KYNU: variants seen among roughly 807,000 people sequenced by gnomAD.
The protein encoded by KYNU is kynureninase.
KYNU carries 54 observed loss-of-function variants against 59.2 expected under a neutral mutation model. The ratio of observed to expected loss-of-function variants is 0.91; its 90% CI spans 0.73 to 1.14. KYNU has a LOEUF of 1.14. KYNU is among the 50% of genes most tolerant of loss of function. The pLI, the probability that KYNU is intolerant of heterozygous loss-of-function variation, is 0.00. For synonymous variants in KYNU, 177 were observed against 192.0 expected, an observed-to-expected ratio of 0.92 and a Z score of 0.65; for missense variants, 567 against 554.4, an observed-to-expected ratio of 1.02 and a Z score of -0.23.
chr2:142,962,583 A>G (rs949130451), intron 8 of KYNU, among the ~76,000 whole-genome samples: 11 of 152,318 alleles, frequency 7.2e-5, no homozygotes, highest in Non-Finnish European at 1.5e-4. Flanking sequence ...TGCTAAAGCC[A>G]TTTGTTAAAT....
chr2:142,962,694 T>A (rs1052395080), intron 8 of KYNU, among the ~76,000 whole-genome samples: 1 of 152,208 alleles, frequency 6.6e-6, no homozygotes, highest in African/African-American at 2.4e-5. Flanking sequence ...ATGAGCAGCT[T>A]TAAGTGTAAC....
intron 4 of KYNU, 113 bp from the exon 5 acceptor site, chr2:142,954,697 T>C (rs1684105956): frequency 2.8e-6 from 2 of 715,976 alleles, no homozygotes; most frequent in African/African-American, 1.8e-5. Context: ...ACATCAAATA[T>C]GCCCTTATCT....
intron 11 of KYNU, among the ~76,000 whole-genome samples, chr2:143,032,203 G>C (rs529144779): frequency 6.6e-6 from 1 of 151,986 alleles, no homozygotes; most frequent in African/African-American, 2.4e-5. Context: ...GCGTGAACCC[G>C]TGAGGCGGAG....
chr2:142,894,723 T>C (rs1681813796), intron 2 of KYNU, among the ~76,000 whole-genome samples: 12 of 152,212 alleles, frequency 7.9e-5, no homozygotes, highest in Admixed American at 7.9e-4. Flanking sequence ...AAAATATGTA[T>C]GTTTCCATAT....
intron 2 of KYNU, among the ~76,000 whole-genome samples, chr2:142,900,506 C>T (rs1682041338): frequency 6.6e-6 from 1 of 152,184 alleles, no homozygotes; most frequent in Admixed American, 6.5e-5. Context: ...AGATGATTGG[C>T]TATTTCTTTA....
intron 8 of KYNU, among the ~76,000 whole-genome samples, chr2:142,968,622 ACT>A (rs939554250): frequency 3.3e-5 from 5 of 151,682 alleles, no homozygotes; most frequent in African/African-American, 9.7e-5. Flanking sequence ...GAATTTGAAA[ACT>A]CTCTGTTGCG....
At chr2:142,888,113 T>A (rs927876506) in intron 2 of KYNU, among the ~76,000 whole-genome samples, 1 of 152,150 alleles carries the variant, frequency 6.6e-6, no homozygotes, top group Non-Finnish European at 1.5e-5. Flanking sequence ...TTCTTAAAGA[T>A]AAGAGATAGA....
At chr2:142,898,471 A>G (rs77261244) in intron 2 of KYNU, among the ~76,000 whole-genome samples, 1 of 31,900 alleles carries the variant, frequency 3.1e-5, no homozygotes, top group Non-Finnish European at 4.9e-5. Context: ...AGTTCAAGGG[A>G]AAAAAAAAAT....
In KYNU at chr2:142,947,469, C is replaced by A. The variant is rs115014862; in HGVS notation, c.374-7341C>A. 1,467 of 394,760 alleles carry A rather than the reference C, an allele frequency of 3.7e-3. 12 individuals are homozygous for A. The highest frequency in any genetic ancestry group is 0.027 in the African/African-American group (1,358 of 50,146). 24.5% of individuals were successfully genotyped at this position (394,760 alleles called of 1,614,324 possible). A position where few individuals can be genotyped will look rare whatever the true frequency, so the allele number is the denominator to read the frequency against. ...GTTTCTTTAAAAGCCTTTTTCCCAG[C>A]TCTTCTGAGATGGTCCATGACATTG... is the stretch of plus-strand genomic sequence containing the variant. On this transcript the variant is annotated intron_variant, in intron 4 of 13. Transcript: ENST00000264170.
At chr2:143,023,101 T>C (rs1378962650) in intron 10 of KYNU, among the ~76,000 whole-genome samples, 1 of 151,934 alleles carries the variant, frequency 6.6e-6, no homozygotes, top group East Asian at 1.9e-4. Flanking sequence ...GATCTACAGT[T>C]TAAAGCTATG....
intron 4 of KYNU, among the ~76,000 whole-genome samples, chr2:142,939,429 C>T (rs932104390): frequency 6.6e-6 from 1 of 151,754 alleles, no homozygotes; most frequent in African/African-American, 2.4e-5. Context: ...TGGTGAAACG[C>T]TGTCTCTACT....
chr2:143,014,880 G>A (rs1686206681), intron 10 of KYNU, among the ~76,000 whole-genome samples: 1 of 152,118 alleles, frequency 6.6e-6, no homozygotes, highest in East Asian at 1.9e-4. Flanking sequence ...AACTCATCAG[G>A]TGTTTGTTTA....
At chr2:143,004,522 C>G (rs1685808589) in intron 10 of KYNU, among the ~76,000 whole-genome samples, 1 of 152,078 alleles carries the variant, frequency 6.6e-6, no homozygotes, top group Non-Finnish European at 1.5e-5. Context: ...ACCAGCCTGG[C>G]CAACATGATG....
chr2:142,916,739 C>A (rs554969805), intron 2 of KYNU, among the ~76,000 whole-genome samples: 7 of 152,114 alleles, frequency 4.6e-5, no homozygotes, highest in Non-Finnish European at 8.8e-5. Flanking sequence ...GGAAGACTTT[C>A]CAGGGAATAA....
chr2:143,023,176 A>T (rs1686455795), intron 10 of KYNU, among the ~76,000 whole-genome samples: 1 of 151,920 alleles, frequency 6.6e-6, no homozygotes, highest in Non-Finnish European at 1.5e-5. Context: ...TTTAAAAATC[A>T]TTCTTATAAA....
At chr2:142,967,208 A>G (rs1007747553) in intron 8 of KYNU, 1 of 152,140 alleles carries the variant, frequency 6.6e-6, no homozygotes, top group African/African-American at 2.4e-5. Flanking sequence ...CCAAATAAGT[A>G]TTTGTTGAAT....
chr2:142,877,709 G>A lies in KYNU; in HGVS notation c.-47G>A, dbSNP rs560056476. ...AGAGGTTCTTGGAGAGATTCTGGGA[G>A]CCAAACACTCCATTGGGATCCTAGC... On this transcript the variant is annotated 5_prime_UTR_variant, in exon 1 of 14. Transcript: ENST00000264170. 17 of 152,326 alleles carry A rather than the reference G, an allele frequency of 1.1e-4. No individual in the cohort carries two copies. Among genetic ancestry groups the A allele is most frequent in the African/African-American group, 4.1e-4 (17 of 41,568 alleles). The allele number at this position is 152,326 out of a possible 1,614,324, so 9.4% of individuals were successfully genotyped here.
intron 10 of KYNU, among the ~76,000 whole-genome samples, chr2:143,018,331 A>T (rs185572466): frequency 1.3e-5 from 2 of 152,308 alleles, no homozygotes; most frequent in East Asian, 3.9e-4. Flanking sequence ...GGTAAAAGGT[A>T]GGGGTCCAGT....
chr2:143,002,487 G>T (rs352888), intron 10 of KYNU, among the ~76,000 whole-genome samples: 1 of 151,940 alleles, frequency 6.6e-6, no homozygotes, highest in Admixed American at 6.6e-5. Context: ...CTGTTTGAAC[G>T]CTAGGTCTTT....
Sources: allele counts gnomAD v4.1 joint callset (sites outside exome capture counted in the v4.1 genomes callset), GRCh38; gene constraint gnomAD v4.1.1; transcripts MANE v1.5; gene names NCBI Gene and HGNC (gene_info 2026-07-23, HGNC 2026-07-21).